PDE4D: variants seen among roughly 807,000 people sequenced by gnomAD.
PDE4D encodes the protein 3',5'-cyclic-AMP phosphodiesterase 4D.
In PDE4D, 24 loss-of-function variants were observed where a neutral mutation model predicts 87.4. The observed-to-expected ratio is 0.27, with a 90% CI of 0.20 to 0.39. The LOEUF (loss-of-function observed/expected upper bound fraction) is 0.39, where lower values mean the gene tolerates loss of function less well. Among genes scored for constraint, PDE4D ranks in the 10% least tolerant of loss-of-function variants. The pLI is 1.00. For missense variants in PDE4D, 714 were observed against 1,041.0 expected, an observed-to-expected ratio of 0.69 and a Z score of 4.32; for synonymous variants, 384 against 383.2, an observed-to-expected ratio of 1.00 and a Z score of -0.02.
At chr5:59,239,412 A>G (rs1757183916) in intron 1 of PDE4D, among the ~76,000 whole-genome samples, 1 of 152,172 alleles carries the variant, frequency 6.6e-6, no homozygotes, top group Non-Finnish European at 1.5e-5. Flanking sequence ...AAGCCTGCCC[A>G]GACAGTTTTT....
At chr5:59,695,392 T>A (rs1267262105) in intron 1 of PDE4D, among the ~76,000 whole-genome samples, 1 of 152,130 alleles carries the variant, frequency 6.6e-6, no homozygotes, top group Non-Finnish European at 1.5e-5. Flanking sequence ...ATGTCATCTC[T>A]GTGCATAACA....
chr5:59,522,150 T>C (rs1812353182), intron 1 of PDE4D, among the ~76,000 whole-genome samples: 1 of 152,224 alleles, frequency 6.6e-6, no homozygotes, highest in African/African-American at 2.4e-5. Flanking sequence ...GCTCAGCTCC[T>C]TGGTGAAAAA....
At chr5:60,455,748 A>T (rs1746421644) in intron 1 of PDE4D, among the ~76,000 whole-genome samples, 1 of 152,178 alleles carries the variant, frequency 6.6e-6, no homozygotes. Flanking sequence ...CACATCTAGT[A>T]CCTACAGCAT....
chr5:59,171,899 C>CAT (rs979992971), intron 5 of PDE4D, among the ~76,000 whole-genome samples: 1 of 117,636 alleles, frequency 8.5e-6, no homozygotes, highest in Admixed American at 1.0e-4. Context: ...ATATAATAAG[C>CAT]ATATATATGA....
intron 1 of PDE4D, among the ~76,000 whole-genome samples, chr5:60,221,053 C>T (rs564450536): frequency 2.0e-5 from 3 of 152,020 alleles, no homozygotes; most frequent in East Asian, 1.9e-4. Context: ...AGTAACAGAA[C>T]GGTTACATAA....
At chr5:60,302,804 G>C (rs1754031115) in intron 1 of PDE4D, among the ~76,000 whole-genome samples, 1 of 151,752 alleles carries the variant, frequency 6.6e-6, no homozygotes, top group African/African-American at 2.4e-5. Context: ...TGGGAATTTA[G>C]TGCTATAAAT....
At chr5:60,222,052 T>C (rs1479942915) in intron 1 of PDE4D, among the ~76,000 whole-genome samples, 5 of 152,108 alleles carry the variant, frequency 3.3e-5, no homozygotes, top group African/African-American at 1.2e-4. Context: ...CGCACATACA[T>C]ACATCATACA....
rs181578008 is a variant in PDE4D, at chr5:59,810,110, A to C, written c.455+83058T>G. On this transcript the variant is annotated intron_variant, in intron 1 of 14. Coordinates refer to ENST00000340635, the MANE Select transcript of PDE4D (RefSeq NM_001104631.2). ...ATGCTCAAGAAACACGGTGCTCCTT[A>C]TGGCTGCTCGTCAATCCTCTCAGCG... 1.1e-3 allele frequency among the ~76,000 whole-genome samples: 160 copies of C among 152,322 alleles called. 1 individual carries two copies. The highest frequency in any genetic ancestry group is 6.8e-3 in the Middle Eastern group (2 of 294).
intron 1 of PDE4D, among the ~76,000 whole-genome samples, chr5:59,847,576 A>G (rs188877652): frequency 6.6e-6 from 1 of 152,234 alleles, no homozygotes. Flanking sequence ...TAGAAATATT[A>G]GAAACCATCT....
intron 5 of PDE4D, chr5:59,180,278 C>T: frequency 2.0e-6 from 1 of 496,046 alleles, no homozygotes; most frequent in Non-Finnish European, 3.8e-6. Flanking sequence ...ATGTGTGGAA[C>T]CAGAATGGGA....
At chr5:59,919,470 G>A (rs908680888) in intron 3 of PDE4D, among the ~76,000 whole-genome samples, 1 of 152,088 alleles carries the variant, frequency 6.6e-6, no homozygotes, top group African/African-American at 2.4e-5. Context: ...CAAAAAGTGG[G>A]ATTAACTGTA....
intron 1 of PDE4D, among the ~76,000 whole-genome samples, chr5:60,321,904 T>C (rs1392253549): frequency 6.8e-6 from 1 of 147,840 alleles, no homozygotes; most frequent in Non-Finnish European, 1.5e-5. Context: ...TTTTTTTTTT[T>C]AATTTGCTGG....
chr5:59,502,696 G>A (rs2153664988), intron 1 of PDE4D, among the ~76,000 whole-genome samples: 1 of 151,332 alleles, frequency 6.6e-6, no homozygotes, highest in African/African-American at 2.4e-5. Context: ...GTGTGTGTGT[G>A]TGTGTGTGTG....
intron 1 of PDE4D, among the ~76,000 whole-genome samples, chr5:59,660,850 A>G (rs576769962): frequency 6.6e-6 from 1 of 152,190 alleles, no homozygotes; most frequent in African/African-American, 2.4e-5. Context: ...CTGAATTCTG[A>G]ATATTGCACC....
intron 1 of PDE4D, among the ~76,000 whole-genome samples, chr5:59,756,809 A>AC (rs1491028411): frequency 8.6e-6 from 1 of 116,336 alleles, no homozygotes; most frequent in Non-Finnish European, 1.7e-5. Flanking sequence ...GGAGGTTCTT[A>AC]CTTTTTTTTT....
At chr5:59,560,488 G>A (rs1819786441) in intron 1 of PDE4D, among the ~76,000 whole-genome samples, 1 of 152,198 alleles carries the variant, frequency 6.6e-6, no homozygotes, top group African/African-American at 2.4e-5. Context: ...ATGACTGTGA[G>A]ATCTGGTTCT....
chr5:59,931,061 AT>A (rs1460351017), intron 3 of PDE4D, among the ~76,000 whole-genome samples: 3 of 152,166 alleles, frequency 2.0e-5, no homozygotes, highest in Non-Finnish European at 4.4e-5. Flanking sequence ...ATTGAAAAAA[AT>A]GTTCCATATT....
At chr5:59,333,696 A>C (rs567122113) in intron 1 of PDE4D, among the ~76,000 whole-genome samples, 1 of 152,252 alleles carries the variant, frequency 6.6e-6, no homozygotes, top group African/African-American at 2.4e-5. Context: ...TTTTTTATGG[A>C]GAGATTTTGA....
rs552964362 is a variant in PDE4D, at chr5:60,016,029, G to C, written c.43-27312C>G. 5.7e-3 allele frequency among the ~76,000 whole-genome samples: 854 copies of C among 150,308 alleles called. 11 individuals are homozygous for C. The highest frequency in any genetic ancestry group is 0.02 in the African/African-American group (799 of 40,886). On this transcript the variant is annotated intron_variant, in intron 2 of 16. Coordinates refer to the PDE4D transcript ENST00000502484. ...ATCTCTGTTCTCTCTCTCTCTCTGT[G>C]TGTGTGTGTGTGTGTGTGTGTGTTT...
Sources: gnomAD v4.1 joint callset for allele counts (sites outside exome capture counted in the v4.1 genomes callset) on GRCh38, gnomAD v4.1.1 for gene constraint, MANE v1.5 for transcripts, NCBI Gene and HGNC (gene_info 2026-07-23, HGNC 2026-07-21) for gene names.